DPYSL3: variants seen among roughly 807,000 people sequenced by gnomAD.
The protein encoded by DPYSL3 is dihydropyrimidinase like 3, also known as dihydropyrimidinase-related protein 3.
DPYSL3 carries 16 observed loss-of-function variants against 66.1 expected under a neutral mutation model. The observed-to-expected ratio is 0.24, with a 90% confidence interval of 0.16 to 0.37. The LOEUF (loss-of-function observed/expected upper bound fraction) is 0.37, where lower values mean the gene tolerates loss of function less well. Among genes scored for constraint, DPYSL3 ranks in the 10% least tolerant of loss-of-function variants. The pLI, the probability that DPYSL3 is intolerant of heterozygous loss-of-function variation, is 1.00. For synonymous variants in DPYSL3, 338 were observed against 345.1 expected, an observed-to-expected ratio of 0.98 and a Z score of 0.23; for missense variants, 738 against 916.2, an observed-to-expected ratio of 0.81 and a Z score of 2.51.
chr5:147,430,677 C>T (rs557972441), intron 1 of DPYSL3, among the ~76,000 whole-genome samples: 6 of 152,104 alleles, frequency 3.9e-5, no homozygotes, highest in Non-Finnish European at 7.4e-5. Flanking sequence ...AATGAAAAGA[C>T]AGAATCTTGA....
chr5:147,413,640 C>A lies in DPYSL3; in HGVS notation c.838G>T (p.Val280Phe). The change falls in exon 5 of 14, where the codon GTT (valine) becomes TTT (phenylalanine). Residue 280 changes from valine (V) to phenylalanine (F), a missense_variant. Val to Phe is a conservative substitution (Grantham distance 50). Coordinates refer to ENST00000343218, the MANE Select transcript of DPYSL3 (RefSeq NM_001197294.2). Reference sequence around the variant, plus strand: ...TACAAATCCTTATAAGCCATATAAACCATGAAGGAGTTAACCCCTGCAAAA... The same window carrying A: ...TACAAATCCTTATAAGCCATATAAAACATGAAGGAGTTAACCCCTGCAAAA... ...IKDKGVNSFM[V>F]YMAYKDLYQV... 6.2e-7 allele frequency: 1 copy of A among 1,612,864 alleles called. No homozygotes were observed. The highest frequency in any genetic ancestry group is 8.5e-7 in the Non-Finnish European group (1 of 1,179,202).
chr5:147,494,709 C>CAAAAAAAAA (rs35761170), intron 1 of DPYSL3, among the ~76,000 whole-genome samples: 6 of 83,500 alleles, frequency 7.2e-5, no homozygotes, highest in African/African-American at 2.2e-4. Context: ...ACGAAAAATA[C>CAAAAAAAAA]AAAAAAAAAA....
chr5:147,436,743 G>T (rs2076798993), intron 1 of DPYSL3, among the ~76,000 whole-genome samples: 1 of 152,210 alleles, frequency 6.6e-6, no homozygotes, highest in Admixed American at 6.5e-5. Context: ...TACTGCAGAA[G>T]AAAGTGTCAA....
At chr5:147,496,278 C>T (rs563462169) in intron 1 of DPYSL3, among the ~76,000 whole-genome samples, 1 of 152,278 alleles carries the variant, frequency 6.6e-6, no homozygotes, top group Non-Finnish European at 1.5e-5. Context: ...ACATGTTAGA[C>T]CTAAAACCAT....
rs1358344124 is a variant in DPYSL3, at chr5:147,391,857, G to A, written c.*2178C>T. ...ATCTTGTGCAGAATCAAAGGTTCTG[G>A]TGGAATGGTTCACTTCGGAAGTCCC... On this transcript the variant is annotated 3_prime_UTR_variant, in exon 14 of 14. Coordinates refer to ENST00000343218, the MANE Select transcript of DPYSL3 (RefSeq NM_001197294.2). 5 of 152,182 alleles carry A rather than the reference G, an allele frequency of 3.3e-5. No individual in the cohort carries two copies. The highest frequency in any genetic ancestry group is 9.7e-5 in the African/African-American group (4 of 41,436). 9.4% of individuals were successfully genotyped at this position (152,182 alleles called of 1,614,324 possible).
At chr5:147,431,637 T>C (rs969782364) in intron 1 of DPYSL3, among the ~76,000 whole-genome samples, 13 of 152,136 alleles carry the variant, frequency 8.5e-5, no homozygotes, top group African/African-American at 3.1e-4. Context: ...AACACTTTGT[T>C]AATCAAAATA....
intron 1 of DPYSL3, among the ~76,000 whole-genome samples, chr5:147,426,552 G>A (rs1301325056): frequency 1.3e-5 from 2 of 152,146 alleles, no homozygotes; most frequent in African/African-American, 4.8e-5. Context: ...TGACTATGAG[G>A]ATTAAGAGTC....
chr5:147,471,642 C>T (rs1378398624), intron 1 of DPYSL3, among the ~76,000 whole-genome samples: 1 of 152,050 alleles, frequency 6.6e-6, no homozygotes, highest in Non-Finnish European at 1.5e-5. Flanking sequence ...CATAAAGGCA[C>T]TTCTCAGAGA....
chr5:147,463,609 T>A (rs77598114), intron 1 of DPYSL3, among the ~76,000 whole-genome samples: 3,689 of 152,138 alleles, frequency 0.024, 174 homozygotes, highest in African/African-American at 0.082. Flanking sequence ...GTGACCCTGT[T>A]AGTTGACATC....
intron 1 of DPYSL3, among the ~76,000 whole-genome samples, chr5:147,473,984 T>C (rs1015397752): frequency 6.6e-6 from 1 of 152,158 alleles, no homozygotes; most frequent in Non-Finnish European, 1.5e-5. Context: ...ATTATTTTCA[T>C]AGGTGAAAAG....
intron 7 of DPYSL3, among the ~76,000 whole-genome samples, chr5:147,406,523 G>A (rs1484062367): frequency 2.0e-5 from 3 of 152,168 alleles, no homozygotes; most frequent in African/African-American, 7.2e-5. Flanking sequence ...GACATGTTGG[G>A]CTGTGGTGAG....
At chr5:147,489,129 G>A (rs1391408664) in intron 1 of DPYSL3, among the ~76,000 whole-genome samples, 1 of 152,112 alleles carries the variant, frequency 6.6e-6, no homozygotes, top group African/African-American at 2.4e-5. Context: ...ATCTCCTGGT[G>A]TCTTTCTAGG....
At chr5:147,507,609 G>A (rs931038631) in intron 1 of DPYSL3, among the ~76,000 whole-genome samples, 10 of 152,158 alleles carry the variant, frequency 6.6e-5, no homozygotes, top group African/African-American at 1.9e-4. Context: ...GATAACCTCC[G>A]TGGTCTCTTC....
intron 1 of DPYSL3, among the ~76,000 whole-genome samples, chr5:147,508,304 A>C (rs1753709243): frequency 6.6e-6 from 1 of 152,240 alleles, no homozygotes; most frequent in South Asian, 2.1e-4. Context: ...AACAGTGAAC[A>C]GAGATGCTGT....
intron 1 of DPYSL3, among the ~76,000 whole-genome samples, chr5:147,494,880 A>AAAT (rs34805887): frequency 0.027 from 3,833 of 142,398 alleles, 57 homozygotes; most frequent in African/African-American, 0.051. Flanking sequence ...CTCCATCTCA[A>AAAT]AATAATAATA....
chr5:147,480,933 G>A (rs1287903295), intron 1 of DPYSL3, among the ~76,000 whole-genome samples: 1 of 151,926 alleles, frequency 6.6e-6, no homozygotes, highest in Non-Finnish European at 1.5e-5. Flanking sequence ...TGTTGGTCAG[G>A]CTGGTCTCAA....
chr5:147,413,386 G>A lies in DPYSL3; in HGVS notation c.882+210C>T, dbSNP rs146516308. 2.8e-3 allele frequency among the ~76,000 whole-genome samples: 427 copies of A among 152,286 alleles called. 1 individual carries two copies. The highest frequency in any genetic ancestry group is 0.01 in the Middle Eastern group (3 of 294). On this transcript the variant is annotated intron_variant, in intron 5 of 13. Coordinates refer to ENST00000343218, the MANE Select transcript of DPYSL3 (RefSeq NM_001197294.2). The stretch of plus-strand genomic sequence containing the variant: ...CCGTTTAAGAAAGCTGCTGCCAGTG[G>A]AAACTCTAGCTCCCTGTCTGTCTTG...
chr5:147,446,063 C>T (rs866331397), intron 1 of DPYSL3, among the ~76,000 whole-genome samples: 15 of 152,180 alleles, frequency 9.9e-5, no homozygotes, highest in Admixed American at 9.2e-4. Context: ...CAACAATGGT[C>T]GCTCTCATCC....
In DPYSL3 at chr5:147,418,516, C is replaced by T. The variant is rs773912873; in HGVS notation, c.586G>A (p.Gly196Arg). 6.2e-7 allele frequency: 1 copy of T among 1,613,388 alleles called. No individual in the cohort carries two copies. The highest frequency in any genetic ancestry group is 1.3e-5 in the African/African-American group (1 of 74,854). ...AAGAAGTCATCTACTGTGGTCATTCCCTTATATGGCATCTGGAAGTGAGTA... is the reference window on the plus strand; with the variant it reads ...AAGAAGTCATCTACTGTGGTCATTCTCTTATATGGCATCTGGAAGTGAGTA... ...VHTHFQMPYK[G>R]MTTVDDFFQG... Residue 196 changes from glycine to arginine, a missense_variant, in exon 3 of 14, where the codon GGA (glycine) becomes AGA (arginine). Coordinates refer to ENST00000343218, the MANE Select transcript of DPYSL3 (RefSeq NM_001197294.2).
Sources: gnomAD v4.1 joint callset for allele counts (sites outside exome capture counted in the v4.1 genomes callset) on GRCh38, gnomAD v4.1.1 for gene constraint, MANE v1.5 for transcripts, NCBI Gene and HGNC (gene_info 2026-07-23, HGNC 2026-07-21) for gene names.